Variants in RBP3 observed in about 807,000 individuals in gnomAD.
RBP3 encodes retinol-binding protein 3.
RBP3 carries 50 observed loss-of-function variants against 64.8 expected under a neutral mutation model. That is an observed-to-expected ratio of 0.77 (90% CI 0.61 to 0.98). The LOEUF is 0.98. RBP3 is among the 50% of genes least tolerant of loss of function. RBP3 has a pLI of 0.00. For synonymous variants in RBP3, 828 were observed against 730.2 expected, an observed-to-expected ratio of 1.13 and a Z score of -2.16; for missense variants, 1,712 against 1,660.5, an observed-to-expected ratio of 1.03 and a Z score of -0.54.
rs781880139 is a variant in RBP3 at position 47,349,659 on chromosome 10, C to G, written c.1175C>G (p.Pro392Arg). The G allele has an allele frequency of 6.2e-7, 1 of 1,612,252 alleles. No individual in the cohort carries two copies. Among genetic ancestry groups the G allele is most frequent in the Non-Finnish European group, 8.5e-7 (1 of 1,180,020 alleles). Residue 392 changes from proline to arginine, a missense_variant, in exon 1 of 4, where the codon CCC (proline) becomes CGC (arginine). By Grantham distance (103) the Pro-to-Arg change is moderately radical. Coordinates refer to ENST00000584701, the MANE Select transcript of RBP3 (RefSeq NM_002900.3). ...AGGCTCCTGGTGCGAGCCATCGGGC[C>G]CACAGAAACTCCTTCTTGGCCCGCG... Reference protein sequence around the residue: ...DPRLLVRAIGPTETPSWPAPD... With the variant: ...DPRLLVRAIGRTETPSWPAPD...
rs1555211542 is a variant in RBP3 at position 47,351,230 on chromosome 10, A to G, written c.2746A>G (p.Ile916Val). The G allele has an allele frequency of 6.2e-7, 1 of 1,613,344 alleles. No homozygotes were observed. Among genetic ancestry groups the G allele is most frequent in the Non-Finnish European group, 8.5e-7 (1 of 1,180,032 alleles). ...GGACCTGGCTGGTGTGGAGCCCGAC[A>G]TCACTGTGCCCATGAGCGAAGCCCT... ...AWDLAGVEPD[I>V]TVPMSEALSI... The change falls in exon 1 of 4, where the codon ATC becomes GTC. Residue 916 changes from isoleucine (I) to valine (V), a missense_variant. Transcript: ENST00000584701.
chr10:47,350,652 C>T lies in RBP3; in HGVS notation c.2168C>T (p.Pro723Leu), dbSNP rs148247227. The T allele has an allele frequency of 1.7e-3, 2,669 of 1,612,940 alleles. 8 individuals are homozygous for T. The highest frequency in any genetic ancestry group is 4.5e-3 in the Admixed American group (272 of 60,024). Reference protein sequence around the residue: ...APPPPPAVPSPEELTYLIEAL... With the variant: ...APPPPPAVPSLEELTYLIEAL... ...CCACCACCCCCTGCTGTCCCCTCTCCAGAGGAGCTCACCTACCTTATTGAG... is the reference window on the plus strand; with the variant it reads ...CCACCACCCCCTGCTGTCCCCTCTCTAGAGGAGCTCACCTACCTTATTGAG... Residue 723 changes from proline (P) to leucine (L), a missense_variant, in exon 1 of 4, where the codon CCA (proline) becomes CTA (leucine). Pro to Leu is a moderately conservative substitution (Grantham distance 98). Coordinates refer to ENST00000584701, the MANE Select transcript of RBP3 (RefSeq NM_002900.3).
At position 47,349,964 on chromosome 10, in the gene RBP3, T is replaced by C; in HGVS notation, c.1480T>C (p.Ser494Pro). Residue 494 changes from serine (S) to proline (P), a missense_variant, in exon 1 of 4, where the codon TCC becomes CCC. Physicochemically the swap from Ser to Pro is moderately conservative, Grantham distance 74. Coordinates refer to ENST00000584701, the MANE Select transcript of RBP3 (RefSeq NM_002900.3). ...GPSSAVPLLL[S>P]YFQGPEAGPV... is the part of the protein sequence containing the mutation. ...ATCCTCTGCTGTGCCCCTGCTCCTG[T>C]CCTACTTCCAGGGCCCTGAGGCCGG... 1 of 1,612,612 alleles carries C rather than the reference T, an allele frequency of 6.2e-7. No homozygotes were observed. The highest frequency in any genetic ancestry group is 1.1e-5 in the South Asian group (1 of 91,038).
In RBP3 at chr10:47,357,158, G is replaced by T; in HGVS notation, c.3445G>T (p.Gly1149Cys). The change falls in exon 4 of 4, where the codon GGC (glycine) becomes TGC (cysteine). Residue 1149 changes from glycine (G) to cysteine (C), a missense_variant. Physicochemically the swap from Gly to Cys is radical, Grantham distance 159 (BLOSUM62 -3). Transcript: ENST00000584701. ...MVILTSSVTA[G>C]TAEEFTYIMK... ...CATTCTGACCAGCAGTGTGACGGCC[G>T]GCACCGCGGAGGAGTTCACCTATAT... The T allele has an allele frequency of 2.5e-6, 4 of 1,613,436 alleles. No individual in the cohort carries two copies. The highest frequency in any genetic ancestry group is 3.4e-6 in the Non-Finnish European group (4 of 1,179,922).
chr10:47,349,967 T>C lies in RBP3; in HGVS notation c.1483T>C (p.Tyr495His). ...PSSAVPLLLS[Y>H]FQGPEAGPVH... ...CTCTGCTGTGCCCCTGCTCCTGTCC[T>C]ACTTCCAGGGCCCTGAGGCCGGCCC... The change falls in exon 1 of 4, where the codon TAC (tyrosine) becomes CAC (histidine). Residue 495 changes from tyrosine to histidine, a missense_variant. Physicochemically the swap from Tyr to His is moderately conservative, Grantham distance 83. Transcript: ENST00000584701. 6.2e-7 allele frequency: 1 copy of C among 1,612,650 alleles called. No individual in the cohort carries two copies. Among genetic ancestry groups the C allele is most frequent in the South Asian group, 1.1e-5 (1 of 91,064 alleles).
At position 47,353,564 on chromosome 10, in the gene RBP3, G is replaced by A. The variant is rs1555211818; in HGVS notation, c.3245+49G>A. 3.7e-6 allele frequency: 6 copies of A among 1,603,552 alleles called. No individual in the cohort carries two copies. In the South Asian group the frequency reaches 6.6e-5, roughly 18 times the overall value. On this transcript the variant is annotated intron_variant, in intron 2 of 3. Transcript: ENST00000584701. Reference sequence around the variant, plus strand: ...TCCTAGCCAGGACGCAGGGCTGCCAGGGGACAGTCAAAGCTATGGGCCACA... The same window carrying A: ...TCCTAGCCAGGACGCAGGGCTGCCAAGGGACAGTCAAAGCTATGGGCCACA...
Position 47,350,354 on chromosome 10 carries a change from G to A in RBP3, c.1870G>A (p.Asp624Asn), listed in dbSNP as rs1749340128. ...CATCGTGCTGGCCGAGGAGGCCCTG[G>A]ACAAAGCCCAGGAAGTGCTGGAGTT... Reference protein sequence around the residue: ...DAIVLAEEALDKAQEVLEFHQ... With the variant: ...DAIVLAEEALNKAQEVLEFHQ... Residue 624 changes from aspartate (D) to asparagine (N), a missense_variant, in exon 1 of 4, where the codon GAC becomes AAC. Coordinates refer to ENST00000584701, the MANE Select transcript of RBP3 (RefSeq NM_002900.3). 2.5e-6 allele frequency: 4 copies of A among 1,612,240 alleles called. No individual in the cohort carries two copies. Among genetic ancestry groups the A allele is most frequent in the Non-Finnish European group, 3.4e-6 (4 of 1,179,976 alleles).
chr10:47,356,252 T>G (rs888329435), intron 3 of RBP3, among the ~76,000 whole-genome samples: 1 of 152,168 alleles, frequency 6.6e-6, no homozygotes, highest in East Asian at 1.9e-4. Flanking sequence ...TCCTAGGACA[T>G]ACGTTCAATA....
chr10:47,350,103 T>C lies in RBP3; in HGVS notation c.1619T>C (p.Leu540Pro), dbSNP rs1018184246. The change falls in exon 1 of 4, where the codon CTC (leucine) becomes CCC (proline). Residue 540 changes from leucine (L) to proline (P), a missense_variant. Physicochemically the swap from Leu to Pro is moderately conservative, Grantham distance 98. Transcript: ENST00000584701. ...AGCACCCAACGTGGGGTGTATCTGC[T>C]CACCAGCCACCGCACCGCCACGGCC... ...RYSTQRGVYL[L>P]TSHRTATAAE... The C allele has an allele frequency of 1.2e-6, 2 of 1,612,966 alleles. No homozygotes were observed. Among genetic ancestry groups the C allele is most frequent in the Admixed American group, 1.7e-5 (1 of 60,020 alleles).
rs1837035058 is a variant in RBP3 at position 47,355,535 on chromosome 10, T to C, written c.3388+17T>C. 6.2e-7 allele frequency: 1 copy of C among 1,614,090 alleles called. No individual in the cohort carries two copies. On this transcript the variant is annotated intron_variant, in intron 3 of 3. Coordinates refer to ENST00000584701, the MANE Select transcript of RBP3 (RefSeq NM_002900.3). ...AGGTTGTAGGTACGTGGAGAAGCTT[T>C]CTCCTTTCTGCTGTCATTCTAGAAG...
Position 47,350,201 on chromosome 10 carries a change from C to A in RBP3, c.1717C>A (p.Leu573Met). The A allele has an allele frequency of 6.2e-7, 1 of 1,610,506 alleles. No individual in the cohort carries two copies. The highest frequency in any genetic ancestry group is 1.7e-5 in the Admixed American group (1 of 60,022). ...TLVGEITAGN[L>M]LHTRTVPLLD... ...GGTAGGTGAGATCACCGCGGGCAAC[C>A]TGCTGCACACCCGCACGGTGCCGCT... The change falls in exon 1 of 4, where the codon CTG (leucine) becomes ATG (methionine). Residue 573 changes from leucine to methionine, a missense_variant. Transcript: ENST00000584701.
At chr10:47,354,064 A>G (rs1837016824) in intron 2 of RBP3, among the ~76,000 whole-genome samples, 1 of 152,242 alleles carries the variant, frequency 6.6e-6, no homozygotes, top group South Asian at 2.1e-4. Context: ...TTAGAAGTTA[A>G]TCACTATTGT....
Position 47,350,326 on chromosome 10 carries a change from T to C in RBP3, c.1842T>C (p.Asp614=), listed in dbSNP as rs1555211352. The C allele has an allele frequency of 4.3e-6, 7 of 1,611,310 alleles. No homozygotes were observed. The highest frequency in any genetic ancestry group is 1.6e-4 in the Middle Eastern group (1 of 6,062). ...EAWLGGGVVP[D]AIVLAEEALD... ...GGCTGGGTGGTGGAGTGGTGCCCGATGCCATCGTGCTGGCCGAGGAGGCCC... is the reference window on the plus strand; with the variant it reads ...GGCTGGGTGGTGGAGTGGTGCCCGACGCCATCGTGCTGGCCGAGGAGGCCC... The change falls in exon 1 of 4, where the codon GAT becomes GAC. Residue 614 remains aspartate (D), a synonymous_variant. Coordinates refer to ENST00000584701, the MANE Select transcript of RBP3 (RefSeq NM_002900.3).
intron 2 of RBP3, among the ~76,000 whole-genome samples, chr10:47,353,959 C>A (rs537851512): frequency 1.3e-4 from 20 of 152,314 alleles, no homozygotes; most frequent in African/African-American, 4.3e-4. Context: ...AGGCCCCCCA[C>A]CTGGGAGTGT....
At position 47,349,151 on chromosome 10, in the gene RBP3, G is replaced by A; in HGVS notation, c.667G>A (p.Ala223Thr). The A allele has an allele frequency of 6.2e-7, 1 of 1,613,934 alleles. No homozygotes were observed. The highest frequency in any genetic ancestry group is 1.1e-5 in the South Asian group (1 of 91,082). The change falls in exon 1 of 4, where the codon GCC becomes ACC. Residue 223 changes from alanine (A) to threonine (T), a missense_variant. Ala to Thr is a moderately conservative substitution (Grantham distance 58, BLOSUM62 0). Coordinates refer to ENST00000584701, the MANE Select transcript of RBP3 (RefSeq NM_002900.3). ...CCAGGTCCTGGGAGAAAGGTACGGT[G>A]CCGACAAGGATGTGGTGGTCCTCAC... ...LPQVLGERYG[A>T]DKDVVVLTSS... is the part of the protein sequence containing the mutation.
Position 47,355,476 on chromosome 10 carries a change from G to T in RBP3, c.3346G>T (p.Asp1116Tyr). Residue 1116 changes from aspartate (D) to tyrosine (Y), a missense_variant, in exon 3 of 4, where the codon GAT becomes TAT. By Grantham distance (160) the Asp-to-Tyr change is radical (BLOSUM62 -3). Transcript: ENST00000584701. ...GCTGGACAAGATCTACAGCCGGCCT[G>T]ATGACTCTGTCAGTGAACTCTGGAC... is the stretch of plus-strand genomic sequence containing the variant. ...VLLDKIYSRP[D>Y]DSVSELWTHA... 6.2e-7 allele frequency: 1 copy of T among 1,614,222 alleles called. No homozygotes were observed. The highest frequency in any genetic ancestry group is 8.5e-7 in the Non-Finnish European group (1 of 1,180,038).
Position 47,350,338 on chromosome 10 carries a change from G to C in RBP3, c.1854G>C (p.Leu618=), listed in dbSNP as rs567359503. Residue 618 remains leucine (L), a synonymous_variant, in exon 1 of 4, where the codon CTG becomes CTC. Transcript: ENST00000584701. ...GGGVVPDAIV[L]AEEALDKAQE... is the part of the protein sequence containing the mutation. The stretch of plus-strand genomic sequence containing the variant: ...GAGTGGTGCCCGATGCCATCGTGCT[G>C]GCCGAGGAGGCCCTGGACAAAGCCC... 8 of 1,611,836 alleles carry C rather than the reference G, an allele frequency of 5.0e-6. No individual in the cohort carries two copies. Among genetic ancestry groups the C allele is most frequent in the African/African-American group, 1.3e-5 (1 of 75,056 alleles).
rs781889777 is a variant in RBP3, at chr10:47,349,835, T to TTCGTC, written c.1351_1352insTCGTC (p.Ser451PhefsTer117). On this transcript the variant is annotated frameshift_variant, in exon 1 of 4. Transcript: ENST00000584701. LOFTEE classifies it high-confidence loss of function. ...GCGCTTCGATAGTTTTGCTGACGCC[T>TTCGTC]CCGTCCTGGGTGTGTTGGCCCCATA... 1.2e-5 allele frequency: 19 copies of TTCGTC among 1,613,180 alleles called. No individual in the cohort carries two copies. The highest frequency in any genetic ancestry group is 1.5e-5 in the Non-Finnish European group (18 of 1,180,018).
chr10:47,350,259 C>A lies in RBP3; in HGVS notation c.1775C>A (p.Thr592Asn). ...LDTPEGSLALTVPVLTFIDNH... is the reference protein window; with the variant it reads ...LDTPEGSLALNVPVLTFIDNH... ...ACACCCGAAGGCAGCCTCGCGCTCACCGTGCCGGTCCTCACCTTCATCGAC... is the reference window on the plus strand; with the variant it reads ...ACACCCGAAGGCAGCCTCGCGCTCAACGTGCCGGTCCTCACCTTCATCGAC... Residue 592 changes from threonine (T) to asparagine (N), a missense_variant, in exon 1 of 4, where the codon ACC becomes AAC. Coordinates refer to ENST00000584701, the MANE Select transcript of RBP3 (RefSeq NM_002900.3). 1 of 1,607,408 alleles carries A rather than the reference C, an allele frequency of 6.2e-7. No homozygotes were observed.
Sources: gnomAD v4.1 joint callset for allele counts (sites outside exome capture counted in the v4.1 genomes callset) on GRCh38, gnomAD v4.1.1 for gene constraint, MANE v1.5 for transcripts, NCBI Gene and HGNC (gene_info 2026-07-23, HGNC 2026-07-21) for gene names.